Variants in CACNA1E observed in about 807,000 individuals in gnomAD.
CACNA1E encodes the protein calcium voltage-gated channel subunit alpha1 E.
In CACNA1E, 40 loss-of-function variants were observed where a neutral mutation model predicts 259.2. The observed-to-expected ratio is 0.15, with a 90% CI of 0.12 to 0.20. CACNA1E has a LOEUF of 0.20. Ranked by LOEUF, CACNA1E falls within the 10% of genes least tolerant of loss-of-function variation. The pLI is 1.00. For synonymous variants in CACNA1E, 1,104 were observed against 1,138.5 expected (o/e 0.97, Z 0.61); for missense variants, 1,874 against 3,040.1 (o/e 0.62, Z 9.02).
intron 1 of CACNA1E, among the ~76,000 whole-genome samples, chr1:181,320,500 C>A (rs1235997974): frequency 1.3e-5 from 2 of 152,166 alleles, no homozygotes; most frequent in African/African-American, 2.4e-5. Flanking sequence ...AGCTTCCAGG[C>A]ATTTTCATAA....
At chr1:181,563,560 G>A (rs773882737) in intron 3 of CACNA1E, among the ~76,000 whole-genome samples, 20 of 152,104 alleles carry the variant, frequency 1.3e-4, no homozygotes, top group Admixed American at 9.2e-4. Flanking sequence ...ACCCACACTC[G>A]TCAGTGTTTG....
chr1:181,375,398 AC>A (rs1655036342), intron 1 of CACNA1E, among the ~76,000 whole-genome samples: 1 of 152,176 alleles, frequency 6.6e-6, no homozygotes, highest in Non-Finnish European at 1.5e-5. Context: ...TTGAAATCTA[AC>A]CCCCAGCTGC....
intron 7 of CACNA1E, among the ~76,000 whole-genome samples, chr1:181,708,060 G>C (rs1652968146): frequency 1.3e-5 from 2 of 152,178 alleles, no homozygotes; most frequent in Non-Finnish European, 2.9e-5. Flanking sequence ...GACTCAGGCA[G>C]ATAAGCATTG....
rs1433153644 is a variant in CACNA1E, at chr1:181,346,547, C to T, written c.-15+28424C>T. ...GTAGGCTACATTATAGGTCCCTGTT[C>T]TTCCTAATCAATTCAGGTTACTTTA... On this transcript the variant is annotated intron_variant, in intron 1 of 11. Coordinates refer to the CACNA1E transcript ENST00000524607. Among the ~76,000 whole-genome samples, 3 of 152,180 alleles carry T rather than the reference C, an allele frequency of 2.0e-5. No individual in the cohort carries two copies. The East Asian group carries it at 5.8e-4, about 29-fold the overall frequency.
rs1008931825 is a variant in CACNA1E at position 181,804,940 on chromosome 1, C to CT, written c.*6107dup. The CT allele has an allele frequency of 1.2e-4, 18 of 148,966 alleles. No individual in the cohort carries two copies. Among genetic ancestry groups the CT allele is most frequent in the Non-Finnish European group, 2.4e-4 (16 of 67,276 alleles). The allele number at this position is 148,966 out of a possible 1,614,324, so 9.2% of individuals were successfully genotyped here. ...CTCTCTAATTAAAAAAAAAAAAAAC[C>CT]TAGGCTTTTTTTTTTCTATCCAGAA... On this transcript the variant is annotated 3_prime_UTR_variant, in exon 48 of 48. Transcript: ENST00000367573.
At position 181,567,575 on chromosome 1, in the gene CACNA1E, C is replaced by T. The variant is rs1572232730; in HGVS notation, c.513-10191C>T. Among the ~76,000 whole-genome samples, 5 of 152,296 alleles carry T rather than the reference C, an allele frequency of 3.3e-5. No homozygotes were observed. The South Asian group carries it at 1.0e-3, about 32-fold the overall frequency. ...GAGGAGAAAGAGCTTTAAGACTGTC[C>T]ATTCTGGAGGGCAGCAAGATGTTGT... On this transcript the variant is annotated intron_variant, in intron 3 of 47. Coordinates refer to ENST00000367573, the MANE Select transcript of CACNA1E (RefSeq NM_001205293.3).
chr1:181,365,805 C>G (rs544856840), intron 1 of CACNA1E, among the ~76,000 whole-genome samples: 38 of 152,318 alleles, frequency 2.5e-4, no homozygotes, highest in African/African-American at 8.7e-4. Flanking sequence ...CACCTAGGCA[C>G]AGTTGGTAGT....
At chr1:181,418,404 G>C (rs980156423) in intron 2 of CACNA1E, among the ~76,000 whole-genome samples, 5 of 152,116 alleles carry the variant, frequency 3.3e-5, no homozygotes, top group Non-Finnish European at 7.4e-5. Context: ...GGATGTCCCA[G>C]GGCTTGGTCC....
chr1:181,523,129 CCTT>C (rs34841472), intron 3 of CACNA1E, among the ~76,000 whole-genome samples: 22,528 of 152,094 alleles, frequency 0.15, 2,112 homozygotes, highest in Non-Finnish European at 0.21. Context: ...GACCTCCAGT[CCTT>C]CTTCTCCAAT....
intron 18 of CACNA1E, among the ~76,000 whole-genome samples, 166 bp downstream of exon 18, chr1:181,726,328 T>A (rs747463166): frequency 1.3e-5 from 2 of 152,204 alleles, no homozygotes; most frequent in Non-Finnish European, 2.9e-5. Flanking sequence ...AAGTGTTATT[T>A]CAGTGAGTGA....
chr1:181,456,893 T>A (rs2102356760), intron 2 of CACNA1E, among the ~76,000 whole-genome samples: 1 of 152,332 alleles, frequency 6.6e-6, no homozygotes, highest in East Asian at 1.9e-4. Context: ...CCTCCACCTG[T>A]CTTTCCCTAG....
chr1:181,427,012 G>A (rs1391316066), intron 2 of CACNA1E, among the ~76,000 whole-genome samples: 2 of 102,950 alleles, frequency 1.9e-5, no homozygotes. Context: ...TCCCACCTCA[G>A]CTTCTTCACA....
intron 1 of CACNA1E, among the ~76,000 whole-genome samples, chr1:181,328,203 G>C (rs998585233): frequency 6.6e-6 from 1 of 152,148 alleles, no homozygotes; most frequent in Admixed American, 6.5e-5. Flanking sequence ...GTAAGGGCCT[G>C]TTTCCTGGTT....
At chr1:181,510,944 C>T (rs893464575) in intron 2 of CACNA1E, among the ~76,000 whole-genome samples, 2 of 152,214 alleles carry the variant, frequency 1.3e-5, no homozygotes, top group African/African-American at 2.4e-5. Context: ...CCAATGCTTA[C>T]GTCCTTATTC....
At chr1:181,557,999 G>A (rs755123587) in intron 3 of CACNA1E, among the ~76,000 whole-genome samples, 28 of 152,338 alleles carry the variant, frequency 1.8e-4, no homozygotes, top group Admixed American at 7.2e-4. Flanking sequence ...AGTAGTCTCA[G>A]ATACAATTGT....
At chr1:181,474,316 T>C (rs567150479) in intron 2 of CACNA1E, among the ~76,000 whole-genome samples, 6 of 152,240 alleles carry the variant, frequency 3.9e-5, no homozygotes, top group African/African-American at 1.4e-4. Context: ...GTCCAAGGAG[T>C]TGGCTTGTCA....
chr1:181,739,581 C>G (rs367761291), intron 25 of CACNA1E, among the ~76,000 whole-genome samples: 60 of 152,208 alleles, frequency 3.9e-4, no homozygotes, highest in African/African-American at 1.4e-3. Flanking sequence ...AGCAATGGAC[C>G]CAGGAACAGC....
At chr1:181,638,188 G>GGCT (rs1657413311) in intron 6 of CACNA1E, among the ~76,000 whole-genome samples, 1 of 152,196 alleles carries the variant, frequency 6.6e-6, no homozygotes, top group African/African-American at 2.4e-5. Context: ...GCAACAGAAT[G>GGCT]GCTGTTGTAC....
chr1:181,469,626 C>T (rs751279186), intron 2 of CACNA1E, among the ~76,000 whole-genome samples: 4 of 152,074 alleles, frequency 2.6e-5, no homozygotes, highest in Admixed American at 6.5e-5. Flanking sequence ...TGAAGCCATC[C>T]ATATGGATGA....
Sources: gnomAD v4.1 joint callset for allele counts (sites outside exome capture counted in the v4.1 genomes callset) on GRCh38, gnomAD v4.1.1 for gene constraint, MANE v1.5 for transcripts, NCBI Gene and HGNC (gene_info 2026-07-23, HGNC 2026-07-21) for gene names.